Variants in LRMDA observed in about 807,000 individuals in gnomAD.
The protein encoded by LRMDA is leucine-rich melanocyte differentiation-associated protein.
Under a neutral mutation model 29.8 loss-of-function variants are expected in LRMDA, and 18 were observed. That is an observed-to-expected ratio of 0.60 (90% CI 0.42 to 0.90). The LOEUF (loss-of-function observed/expected upper bound fraction) is 0.90. LRMDA is among the 40% of genes least tolerant of loss of function. The probability of loss-of-function intolerance (pLI) is 0.00; values close to 1 mark genes in which losing one functional copy is unlikely to be tolerated. For synonymous variants in LRMDA, 125 were observed against 109.4 expected, an observed-to-expected ratio of 1.14 and a Z score of -0.89; for missense variants, 273 against 273.9, an observed-to-expected ratio of 1.00 and a Z score of 0.02.
At position 75,578,367 on chromosome 10, in the gene LRMDA, T is replaced by TATG. The variant is rs530395957; in HGVS notation, c.131+139874_131+139876dup. ...AGAAGAGTTAACTATCCTAAATATA[T>TATG]ATGTACCCAGTACAGGAGCCCCCAG... On this transcript the variant is annotated intron_variant, in intron 2 of 6. Transcript: ENST00000611255. 2.6e-3 allele frequency among the ~76,000 whole-genome samples: 393 copies of TATG among 151,830 alleles called. 2 individuals carry two copies. Among genetic ancestry groups the TATG allele is most frequent in the Middle Eastern group, 3.4e-3 (1 of 294 alleles).
intron 5 of LRMDA, among the ~76,000 whole-genome samples, chr10:76,191,508 A>C (rs572915175): frequency 6.6e-6 from 1 of 152,336 alleles, no homozygotes; most frequent in East Asian, 1.9e-4. Context: ...GCCTTAGATT[A>C]AATCAACTGA....
At chr10:76,144,554 C>A (rs1850273081) in intron 5 of LRMDA, among the ~76,000 whole-genome samples, 1 of 152,160 alleles carries the variant, frequency 6.6e-6, no homozygotes, top group Non-Finnish European at 1.5e-5. Flanking sequence ...TATCCTGAGA[C>A]TTTGCTGAAG....
intron 6 of LRMDA, among the ~76,000 whole-genome samples, chr10:76,353,330 TTGTGTGTG>T (rs3998122): frequency 4.2e-4 from 62 of 146,272 alleles, no homozygotes; most frequent in Admixed American, 2.5e-3. Context: ...AGCTGTGGAG[TTGTGTGTG>T]TGTGTGTGTG....
In LRMDA at chr10:75,784,783, A is replaced by G. The variant is rs533132152; in HGVS notation, c.132-251225A>G. 2.6e-5 allele frequency among the ~76,000 whole-genome samples: 4 copies of G among 152,226 alleles called. No homozygotes were observed. In the South Asian group the frequency reaches 8.3e-4, roughly 32 times the overall value. On this transcript the variant is annotated intron_variant, in intron 2 of 6. Coordinates refer to ENST00000611255, the MANE Select transcript of LRMDA (RefSeq NM_001305581.2). ...CAGTCTCAAAGGAAGAAACATATTT[A>G]GATATAGAAATGCATGATAATGGTA...
At chr10:76,176,851 A>T (rs1850945362) in intron 5 of LRMDA, among the ~76,000 whole-genome samples, 1 of 152,242 alleles carries the variant, frequency 6.6e-6, no homozygotes, top group Non-Finnish European at 1.5e-5. Flanking sequence ...GGTTACAGGT[A>T]ATGTGTAATT....
chr10:75,890,834 G>A (rs1213450170), intron 2 of LRMDA, among the ~76,000 whole-genome samples: 3 of 151,116 alleles, frequency 2.0e-5, no homozygotes, highest in African/African-American at 4.9e-5. Flanking sequence ...GCTGGGTGTG[G>A]TGGTTCATGC....
intron 5 of LRMDA, among the ~76,000 whole-genome samples, chr10:76,069,227 A>G (rs1356175436): frequency 6.6e-6 from 1 of 152,208 alleles, no homozygotes; most frequent in African/African-American, 2.4e-5. Flanking sequence ...TCTGACCAGC[A>G]GAAGTGCCAT....
Position 76,498,228 on chromosome 10 carries a change from A to G in LRMDA, c.602-58981A>G, listed in dbSNP as rs1342538862. On this transcript the variant is annotated intron_variant, in intron 6 of 6. Coordinates refer to ENST00000611255, the MANE Select transcript of LRMDA (RefSeq NM_001305581.2). ...TTTCTTTGGCTTTGCTTCATTCACG[A>G]TAATCAAGGACTTGGGTTCATTACC... Among the ~76,000 whole-genome samples the G allele has an allele frequency of 2.6e-5, 2 of 75,616 alleles. 1 individual carries two copies. Among genetic ancestry groups the G allele is most frequent in the Non-Finnish European group, 8.8e-5 (2 of 22,760 alleles). 49.6% of individuals were successfully genotyped at this position (75,616 alleles called of 152,430 possible).
At chr10:76,140,757 CA>C (rs1180131141) in intron 5 of LRMDA, among the ~76,000 whole-genome samples, 2 of 152,110 alleles carry the variant, frequency 1.3e-5, no homozygotes, top group African/African-American at 2.4e-5. Flanking sequence ...CAATTGCCTT[CA>C]ATCTCCTCCC....
intron 2 of LRMDA, among the ~76,000 whole-genome samples, chr10:75,449,652 T>C (rs935412667): frequency 6.6e-6 from 1 of 152,122 alleles, no homozygotes; most frequent in Non-Finnish European, 1.5e-5. Context: ...CATTTCCTGC[T>C]CTCTCCCATT....
chr10:75,582,688 G>A (rs1044080566), intron 2 of LRMDA, among the ~76,000 whole-genome samples: 3 of 152,176 alleles, frequency 2.0e-5, no homozygotes, highest in African/African-American at 7.2e-5. Flanking sequence ...GCAAATTTCT[G>A]CAGCCTGCTT....
At chr10:75,803,835 A>AC (rs148355384) in intron 2 of LRMDA, among the ~76,000 whole-genome samples, 2,969 of 152,278 alleles carry the variant, frequency 0.019, 94 homozygotes, top group African/African-American at 0.067. Context: ...TAACCACTGC[A>AC]CGCAGTCTCT....
At chr10:76,368,880 T>C (rs771378743) in intron 6 of LRMDA, among the ~76,000 whole-genome samples, 1 of 152,198 alleles carries the variant, frequency 6.6e-6, no homozygotes, top group Non-Finnish European at 1.5e-5. Flanking sequence ...TTTAATGCTG[T>C]TGCTTTATAG....
At chr10:76,227,772 TCAGTATGTA>T (rs925511255) in intron 5 of LRMDA, among the ~76,000 whole-genome samples, 33 of 152,150 alleles carry the variant, frequency 2.2e-4, no homozygotes, top group African/African-American at 7.7e-4. Flanking sequence ...TAATATCGCA[TCAGTATGTA>T]CAGTATTTTT....
chr10:76,052,527 A>G (rs1433566757), intron 4 of LRMDA, among the ~76,000 whole-genome samples: 1 of 152,040 alleles, frequency 6.6e-6, no homozygotes, highest in African/African-American at 2.4e-5. Context: ...AAAATGCCTG[A>G]GTGTTGGGAC....
chr10:76,043,405 G>A (rs1424602051), intron 3 of LRMDA, among the ~76,000 whole-genome samples: 4 of 152,242 alleles, frequency 2.6e-5, no homozygotes, highest in African/African-American at 9.6e-5. Context: ...ATAATTAAAT[G>A]TTACTCCTAC....
At chr10:76,016,643 C>T (rs753875715) in intron 2 of LRMDA, among the ~76,000 whole-genome samples, 8 of 152,204 alleles carry the variant, frequency 5.3e-5, no homozygotes, top group Non-Finnish European at 1.2e-4. Context: ...ATTCACTTAC[C>T]TCTAGGTTCA....
chr10:76,524,278 C>A (rs1245822729), intron 6 of LRMDA, among the ~76,000 whole-genome samples: 1 of 152,124 alleles, frequency 6.6e-6, no homozygotes, highest in Non-Finnish European at 1.5e-5. Context: ...GCTGACGTGT[C>A]ATTGGAAATG....
chr10:76,340,630 A>T (rs1189815358), intron 6 of LRMDA, among the ~76,000 whole-genome samples: 1 of 151,746 alleles, frequency 6.6e-6, no homozygotes, highest in Admixed American at 6.6e-5. Context: ...CCCTAACTTG[A>T]TAAAGTGTAT....
Sources: allele counts gnomAD v4.1 joint callset (sites outside exome capture counted in the v4.1 genomes callset), GRCh38; gene constraint gnomAD v4.1.1; transcripts MANE v1.5; gene names NCBI Gene and HGNC (gene_info 2026-07-23, HGNC 2026-07-21).